Variants in FBXL17 observed in about 807,000 individuals in gnomAD.
FBXL17 encodes the protein F-box and leucine rich repeat protein 17, also known as F-box/LRR-repeat protein 17.
Under a neutral mutation model 66.2 loss-of-function variants are expected in FBXL17, and 22 were observed. That is an observed-to-expected ratio of 0.33 (90% CI 0.24 to 0.47). The LOEUF is 0.47. Among genes scored for constraint, FBXL17 ranks in the 20% least tolerant of loss-of-function variants. The pLI, the probability that FBXL17 is intolerant of heterozygous loss-of-function variation, is 1.00. For missense variants in FBXL17, 878 were observed against 948.2 expected, an observed-to-expected ratio of 0.93 and a Z score of 0.97; for synonymous variants, 474 against 400.5, an observed-to-expected ratio of 1.18 and a Z score of -2.19.
chr5:107,863,585 T>TGTGATACAC (rs1748193134), intron 8 of FBXL17, among the ~76,000 whole-genome samples: 1 of 152,162 alleles, frequency 6.6e-6, no homozygotes, highest in Admixed American at 6.6e-5. Context: ...CCATAGTACT[T>TGTGATACAC]ATTATTGTAC....
chr5:107,862,711 G>C (rs1040407982), intron 8 of FBXL17, among the ~76,000 whole-genome samples: 1 of 152,086 alleles, frequency 6.6e-6, no homozygotes, highest in African/African-American at 2.4e-5. Context: ...TTTATACCGA[G>C]TAAGCTAGTC....
chr5:108,203,815 CA>C (rs970337886), intron 5 of FBXL17, among the ~76,000 whole-genome samples: 1 of 151,712 alleles, frequency 6.6e-6, no homozygotes, highest in Admixed American at 6.6e-5. Flanking sequence ...TCTGAATAAA[CA>C]AAAAAAGGAG....
chr5:107,967,342 A>T (rs1329075501), intron 7 of FBXL17, among the ~76,000 whole-genome samples: 1 of 152,020 alleles, frequency 6.6e-6, no homozygotes, highest in Admixed American at 6.6e-5. Flanking sequence ...AAATCTCTAG[A>T]ACTGCTTAGA....
chr5:108,264,181 C>T (rs1561495135), intron 4 of FBXL17, among the ~76,000 whole-genome samples: 1 of 138,406 alleles, frequency 7.2e-6, no homozygotes, highest in African/African-American at 2.7e-5. Flanking sequence ...CGCCACAGCA[C>T]TCCAGCCTGG....
In FBXL17 at chr5:108,186,191, G is replaced by A. The variant is rs146384158; in HGVS notation, c.1671C>T (p.Thr557=). 49 of 1,612,256 alleles carry A rather than the reference G, an allele frequency of 3.0e-5. No individual in the cohort carries two copies. Among genetic ancestry groups the A allele is most frequent in the South Asian group, 6.6e-5 (6 of 91,038 alleles). The change falls in exon 6 of 9, where the codon ACC becomes ACT. Residue 557 remains threonine (T), a synonymous_variant. Transcript: ENST00000542267. ...LRHITELDNE[T]VMEIVKRCKN... is the part of the protein sequence containing the mutation. Reference sequence around the variant, plus strand: ...TGCACCTCTTGACAATTTCCATCACGGTTTCATTATCCAGTTCAGTGATAT... The same window carrying A: ...TGCACCTCTTGACAATTTCCATCACAGTTTCATTATCCAGTTCAGTGATAT...
chr5:108,165,950 G>A (rs991785178), intron 6 of FBXL17, among the ~76,000 whole-genome samples: 2 of 152,142 alleles, frequency 1.3e-5, no homozygotes, highest in African/African-American at 4.8e-5. Flanking sequence ...TTGAAAATAT[G>A]ATTATTCTTC....
At chr5:107,908,558 A>G (rs1439211737) in intron 7 of FBXL17, among the ~76,000 whole-genome samples, 3 of 152,210 alleles carry the variant, frequency 2.0e-5, no homozygotes, top group Non-Finnish European at 4.4e-5. Context: ...CCTATATGCA[A>G]TTAATTCTCC....
chr5:108,084,716 A>G (rs1264782764), intron 6 of FBXL17, among the ~76,000 whole-genome samples: 2 of 152,210 alleles, frequency 1.3e-5, no homozygotes, highest in African/African-American at 2.4e-5. Context: ...GAAATCTGGT[A>G]TAATTAATAA....
chr5:107,937,025 A>C (rs1750931221), intron 7 of FBXL17, among the ~76,000 whole-genome samples: 1 of 152,122 alleles, frequency 6.6e-6, no homozygotes, highest in Non-Finnish European at 1.5e-5. Context: ...GGATTAAAAA[A>C]AATTGGATGG....
intron 1 of FBXL17, among the ~76,000 whole-genome samples, chr5:108,372,308 T>G (rs940245024): frequency 3.9e-5 from 6 of 152,106 alleles, no homozygotes; most frequent in Non-Finnish European, 8.8e-5. Flanking sequence ...CCAAACATAC[T>G]AATATACATA....
chr5:107,911,366 C>A (rs1749943583), intron 7 of FBXL17, among the ~76,000 whole-genome samples: 1 of 152,144 alleles, frequency 6.6e-6, no homozygotes, highest in Non-Finnish European at 1.5e-5. Flanking sequence ...AAAGCAAATT[C>A]CAGGTGGACT....
At chr5:108,200,388 G>T (rs1012074847) in intron 5 of FBXL17, among the ~76,000 whole-genome samples, 1 of 152,098 alleles carries the variant, frequency 6.6e-6, no homozygotes, top group South Asian at 2.1e-4. Context: ...GGGGGCACAG[G>T]TTTCCAGCAA....
At chr5:107,955,552 C>T (rs72795985) in intron 7 of FBXL17, among the ~76,000 whole-genome samples, 3,044 of 152,218 alleles carry the variant, frequency 0.02, 52 homozygotes, top group Non-Finnish European at 0.027. Context: ...TTGATAAGGT[C>T]GCAATCGATC....
intron 7 of FBXL17, among the ~76,000 whole-genome samples, chr5:107,979,138 A>G (rs544886469): frequency 2.0e-5 from 3 of 152,348 alleles, no homozygotes; most frequent in East Asian, 1.9e-4. Context: ...AACTTTATGT[A>G]TAAGTCAATA....
intron 7 of FBXL17, among the ~76,000 whole-genome samples, chr5:107,891,363 AATATTTGGGGC>A (rs1263673905): frequency 6.6e-6 from 1 of 152,136 alleles, no homozygotes; most frequent in Non-Finnish European, 1.5e-5. Flanking sequence ...AAGCGACTGA[AATATTTGGGGC>A]ACAGGAGTGA....
At chr5:107,926,195 T>A (rs1163264446) in intron 7 of FBXL17, among the ~76,000 whole-genome samples, 1 of 152,114 alleles carries the variant, frequency 6.6e-6, no homozygotes, top group African/African-American at 2.4e-5. Flanking sequence ...ATTTTACAGA[T>A]GATGTAATAG....
chr5:108,356,141 G>T (rs1747971836), intron 3 of FBXL17, among the ~76,000 whole-genome samples: 1 of 152,046 alleles, frequency 6.6e-6, no homozygotes, highest in African/African-American at 2.4e-5. Flanking sequence ...GTGATAAAGG[G>T]GGACATGACT....
intron 6 of FBXL17, among the ~76,000 whole-genome samples, chr5:108,089,602 C>A (rs1038286474): frequency 1.4e-4 from 22 of 152,090 alleles, no homozygotes; most frequent in African/African-American, 5.3e-4. Context: ...TAGGAAAATT[C>A]TGTATTTGTT....
intron 7 of FBXL17, among the ~76,000 whole-genome samples, chr5:107,947,774 G>C (rs1354353012): frequency 6.6e-6 from 1 of 152,052 alleles, no homozygotes; most frequent in African/African-American, 2.4e-5. Context: ...AACTTCTCTG[G>C]TCAACTCTAA....
Sources: allele counts gnomAD v4.1 joint callset (sites outside exome capture counted in the v4.1 genomes callset), GRCh38; gene constraint gnomAD v4.1.1; transcripts MANE v1.5; gene names NCBI Gene and HGNC (gene_info 2026-07-23, HGNC 2026-07-21).